Variants in VPS54 observed in about 807,000 individuals in gnomAD.
The protein encoded by VPS54 is VPS54 subunit of GARP complex, also known as vacuolar protein sorting-associated protein 54.
Under a neutral mutation model 121.5 loss-of-function variants are expected in VPS54, and 45 were observed. The observed-to-expected ratio is 0.37, with a 90% confidence interval of 0.29 to 0.47. VPS54 has a LOEUF of 0.47. Among genes scored for constraint, VPS54 ranks in the 20% least tolerant of loss-of-function variants. VPS54 has a pLI of 0.99. For synonymous variants in VPS54, 371 were observed against 385.8 expected (o/e 0.96, Z 0.45); for missense variants, 1,090 against 1,131.4 (o/e 0.96, Z 0.52).
At chr2:63,898,797 A>T (rs1225530955) in intron 21 of VPS54, among the ~76,000 whole-genome samples, 1 of 152,142 alleles carries the variant, frequency 6.6e-6, no homozygotes, top group Non-Finnish European at 1.5e-5. Context: ...AAAAAAAACA[A>T]AACTGGTAAA....
rs533437737 is a variant in VPS54 at position 63,944,755 on chromosome 2, T to C, written c.1246-100A>G. On this transcript the variant is annotated intron_variant, in intron 9 of 22. Coordinates refer to ENST00000272322, the MANE Select transcript of VPS54 (RefSeq NM_016516.3). ...GTACATTAAAAAGGCCCTTACTATA[T>C]GAACAGACACTTTTCAAAAAAGGAC... is the stretch of plus-strand genomic sequence containing the variant. 2.7e-5 allele frequency: 25 copies of C among 941,802 alleles called. No homozygotes were observed. The African/African-American group carries it at 3.5e-4, about 13-fold the overall frequency. The allele number at this position is 941,802 out of a possible 1,614,324, so 58.3% of individuals were successfully genotyped here. A position where few individuals can be genotyped will look rare whatever the true frequency, so the allele number is the denominator to read the frequency against.
intron 4 of VPS54, among the ~76,000 whole-genome samples, chr2:63,971,076 C>A (rs940234232): frequency 6.6e-6 from 1 of 152,126 alleles, no homozygotes; most frequent in Non-Finnish European, 1.5e-5. Flanking sequence ...TGTCACCCAC[C>A]CAGTTGTCCA....
In VPS54 at chr2:63,983,975, G is replaced by T. The variant is rs1354622731; in HGVS notation, c.25C>A (p.Pro9Thr). 3 of 1,612,350 alleles carry T rather than the reference G, an allele frequency of 1.9e-6. No homozygotes were observed. Among genetic ancestry groups the T allele is most frequent in the Non-Finnish European group, 1.7e-6 (2 of 1,179,012 alleles). Residue 9 changes from proline (P) to threonine (T), a missense_variant, in exon 2 of 23, where the codon CCA (proline) becomes ACA (threonine). By Grantham distance (38) the Pro-to-Thr change is conservative. Coordinates refer to ENST00000272322, the MANE Select transcript of VPS54 (RefSeq NM_016516.3). ...TCACTGCTGCTTCCTTGAGGCACTG[G>T]TGAAGAACTGTGGCTTGAAGCCATT... MASSHSSS[P>T]VPQGSSSDVF...
At position 63,940,806 on chromosome 2, in the gene VPS54, G is replaced by A. The variant is rs186256782; in HGVS notation, c.1398+1659C>T. ...CTATATAACTAGACATGCAATAATT[G>A]AAGTGTGTGATGATGAGGTCATGGT... On this transcript the variant is annotated intron_variant, in intron 11 of 22. Coordinates refer to ENST00000272322, the MANE Select transcript of VPS54 (RefSeq NM_016516.3). 3.9e-5 allele frequency among the ~76,000 whole-genome samples: 6 copies of A among 152,312 alleles called. No homozygotes were observed. The South Asian group carries it at 6.2e-4, about 16-fold the overall frequency.
chr2:63,984,965 A>C (rs1056467436), intron 1 of VPS54, among the ~76,000 whole-genome samples: 1 of 152,230 alleles, frequency 6.6e-6, no homozygotes, highest in African/African-American at 2.4e-5. Flanking sequence ...AGTCTAAAAA[A>C]ACAAAACAAA....
chr2:63,975,946 C>T (rs1321046751), intron 3 of VPS54, among the ~76,000 whole-genome samples: 3 of 152,196 alleles, frequency 2.0e-5, no homozygotes, highest in Non-Finnish European at 4.4e-5. Flanking sequence ...AGTTTCACCA[C>T]GTTGGCCAGG....
intron 6 of VPS54, among the ~76,000 whole-genome samples, chr2:63,965,403 G>A (rs1020948365): frequency 6.6e-6 from 1 of 152,194 alleles, no homozygotes; most frequent in African/African-American, 2.4e-5. Flanking sequence ...TTGAACCCAG[G>A]AGGTGGAGGT....
At chr2:63,991,257 AT>A (rs1239533685) in intron 1 of VPS54, among the ~76,000 whole-genome samples, 8 of 152,220 alleles carry the variant, frequency 5.3e-5, no homozygotes. Context: ...TTTTAGCTAA[AT>A]TACAAGATGC....
At chr2:63,929,108 C>G (rs1016808012) in intron 12 of VPS54, among the ~76,000 whole-genome samples, 2 of 151,502 alleles carry the variant, frequency 1.3e-5, no homozygotes, top group Non-Finnish European at 3.0e-5. Flanking sequence ...TAGATCAACA[C>G]GACAGAAAAT....
chr2:63,995,850 T>A (rs1677559011), intron 1 of VPS54, among the ~76,000 whole-genome samples: 2 of 152,234 alleles, frequency 1.3e-5, no homozygotes, highest in African/African-American at 4.8e-5. Context: ...TCATTGGACA[T>A]GACTAAATTA....
chr2:64,013,514 T>C (rs1323920655), intron 1 of VPS54, among the ~76,000 whole-genome samples: 1 of 150,514 alleles, frequency 6.6e-6, no homozygotes, highest in Non-Finnish European at 1.5e-5. Flanking sequence ...AAGTATAGAG[T>C]ATACATCAAA....
intron 7 of VPS54, among the ~76,000 whole-genome samples, chr2:63,955,192 T>A (rs1436774262): frequency 6.6e-6 from 1 of 152,028 alleles, no homozygotes; most frequent in Non-Finnish European, 1.5e-5. Flanking sequence ...ACAACTTAGA[T>A]AAACAATTCA....
At chr2:64,010,158 T>TA in intron 1 of VPS54, among the ~76,000 whole-genome samples, 1 of 152,300 alleles carries the variant, frequency 6.6e-6, no homozygotes, top group Non-Finnish European at 1.5e-5. Flanking sequence ...AATTGACTTA[T>TA]AAATGAACTT....
chr2:63,964,969 C>CA (rs1675924371), intron 6 of VPS54, among the ~76,000 whole-genome samples: 1 of 152,102 alleles, frequency 6.6e-6, no homozygotes, highest in South Asian at 2.1e-4. Flanking sequence ...AAATGACTTT[C>CA]AAGGTGCTGA....
intron 3 of VPS54, among the ~76,000 whole-genome samples, chr2:63,980,177 A>G (rs373542033): frequency 4.6e-5 from 7 of 152,186 alleles, no homozygotes; most frequent in African/African-American, 7.2e-5. Flanking sequence ...CTTCTTGGTT[A>G]GCTGACCCTT....
chr2:63,893,324 T>G lies in VPS54; in HGVS notation c.*106A>C, dbSNP rs1258503926. On this transcript the variant is annotated 3_prime_UTR_variant, in exon 23 of 23. Transcript: ENST00000272322. ...TCCTTTTTCCCTTCCCCCACCCCAG[T>G]TCACTTTGGGTTTCAGGTTCAATTC... The G allele has an allele frequency of 1.0e-6, 1 of 976,944 alleles. No homozygotes were observed. Among genetic ancestry groups the G allele is most frequent in the South Asian group, 1.3e-5 (1 of 78,130 alleles). The allele number at this position is 976,944 out of a possible 1,614,324, so 60.5% of individuals were successfully genotyped here. A position where few individuals can be genotyped will look rare whatever the true frequency, so the allele number is the denominator to read the frequency against.
rs1576009492 is a variant in VPS54 at position 63,999,523 on chromosome 2, T to G, written c.-20-15504A>C. 3.1e-5 allele frequency among the ~76,000 whole-genome samples: 2 copies of G among 63,624 alleles called. 1 individual carries two copies. The highest frequency in any genetic ancestry group is 6.8e-4 in the South Asian group (2 of 2,954). 41.7% of individuals were successfully genotyped at this position (63,624 alleles called of 152,430 possible). On this transcript the variant is annotated intron_variant, in intron 1 of 22. Coordinates refer to ENST00000272322, the MANE Select transcript of VPS54 (RefSeq NM_016516.3). Reference sequence around the variant, plus strand: ...CTTGCTCCTTTTAGTATCCTTGCTTTATCCTTGTCTTTGGGAATTTTATTA... The same window carrying G: ...CTTGCTCCTTTTAGTATCCTTGCTTGATCCTTGTCTTTGGGAATTTTATTA...
intron 1 of VPS54, among the ~76,000 whole-genome samples, chr2:63,993,897 A>C (rs1326890409): frequency 6.6e-6 from 1 of 152,198 alleles, no homozygotes; most frequent in African/African-American, 2.4e-5. Context: ...ACCTCTGCTC[A>C]AAAGGCAGAG....
At position 63,965,908 on chromosome 2, in the gene VPS54, G is replaced by A; in HGVS notation, c.551C>T (p.Pro184Leu). 3 of 1,612,186 alleles carry A rather than the reference G, an allele frequency of 1.9e-6. No individual in the cohort carries two copies. The highest frequency in any genetic ancestry group is 2.5e-6 in the Non-Finnish European group (3 of 1,179,376). ...DDSLTFNSVL[P>L]WSHFNTAGGK... The stretch of plus-strand genomic sequence containing the variant: ...ACCAGCAGTATTAAAATGAGACCAT[G>A]GTAAAACTGAATTAAAAGTTAAGGA... The change falls in exon 6 of 23, where the codon CCA becomes CTA. Residue 184 changes from proline to leucine, a missense_variant. Transcript: ENST00000272322.
Sources: allele counts gnomAD v4.1 joint callset (sites outside exome capture counted in the v4.1 genomes callset), GRCh38; gene constraint gnomAD v4.1.1; transcripts MANE v1.5; gene names NCBI Gene and HGNC (gene_info 2026-07-23, HGNC 2026-07-21).